SLC16A1: variants seen among roughly 807,000 people sequenced by gnomAD.
The protein encoded by SLC16A1 is solute carrier family 16 member 1.
A neutral mutation model predicts 32.2 loss-of-function variants in SLC16A1; 11 were observed. The observed-to-expected ratio is 0.34, with a 90% CI of 0.21 to 0.56. The LOEUF (loss-of-function observed/expected upper bound fraction) is 0.56, where lower values mean the gene tolerates loss of function less well. Among genes scored for constraint, SLC16A1 ranks in the 20% least tolerant of loss-of-function variants. The pLI is 0.87. For missense variants in SLC16A1, 435 were observed against 615.0 expected, an observed-to-expected ratio of 0.71 and a Z score of 3.10; for synonymous variants, 231 against 226.8, an observed-to-expected ratio of 1.02 and a Z score of -0.17.
intron 1 of SLC16A1, among the ~76,000 whole-genome samples, chr1:112,945,045 C>A (rs1412808123): frequency 6.8e-6 from 1 of 145,990 alleles, no homozygotes; most frequent in Non-Finnish European, 1.5e-5. Context: ...GTCACCCAGG[C>A]TGGAGTGCAG....
intron 2 of SLC16A1, 95 bp downstream of exon 2, chr1:112,928,997 C>CTAT (rs1446353259): frequency 2.2e-6 from 2 of 890,188 alleles, no homozygotes; most frequent in Non-Finnish European, 3.5e-6. Context: ...AAACATCTCA[C>CTAT]TGAATAAGAC....
intron 1 of SLC16A1, among the ~76,000 whole-genome samples, chr1:112,931,644 CAAAAAAAAAAA>C (rs561013159): frequency 4.8e-5 from 3 of 62,028 alleles, no homozygotes; most frequent in South Asian, 7.1e-4. Context: ...TACTCTGTCT[CAAAAAAAAAAA>C]AAAAAAAAAA....
chr1:112,922,982 C>A (rs1648791996), intron 2 of SLC16A1, among the ~76,000 whole-genome samples: 1 of 151,940 alleles, frequency 6.6e-6, no homozygotes, highest in Non-Finnish European at 1.5e-5. Context: ...CCTGATCTCG[C>A]TTACTGTAAG....
intron 1 of SLC16A1, among the ~76,000 whole-genome samples, chr1:112,944,785 C>A (rs985147544): frequency 6.6e-6 from 1 of 152,102 alleles, no homozygotes; most frequent in Non-Finnish European, 1.5e-5. Flanking sequence ...CCCTGCATCC[C>A]AGGTTCAAGC....
Position 112,911,881 on chromosome 1 carries a change from C to T in SLC16A1, c.*2010G>A, listed in dbSNP as rs1648332316. The T allele has an allele frequency of 6.6e-6, 1 of 152,160 alleles. No individual in the cohort carries two copies. 9.4% of individuals were successfully genotyped at this position (152,160 alleles called of 1,614,324 possible). Reference sequence around the variant, plus strand: ...GCTTTACTTTTATTTTTTCAGATTTCCTTTACTTACATTCCTTATTCCCTC... The same window carrying T: ...GCTTTACTTTTATTTTTTCAGATTTTCTTTACTTACATTCCTTATTCCCTC... On this transcript the variant is annotated 3_prime_UTR_variant, in exon 5 of 5. Coordinates refer to ENST00000369626, the MANE Select transcript of SLC16A1 (RefSeq NM_003051.4).
intron 1 of SLC16A1, among the ~76,000 whole-genome samples, chr1:112,949,461 T>C (rs568812864): frequency 1.3e-5 from 2 of 152,354 alleles, no homozygotes; most frequent in East Asian, 3.9e-4. Flanking sequence ...TGATGATTAG[T>C]AAATAAAACC....
intron 1 of SLC16A1, among the ~76,000 whole-genome samples, chr1:112,932,977 C>T (rs1473877923): frequency 1.3e-5 from 2 of 151,874 alleles, no homozygotes; most frequent in East Asian, 1.9e-4. Context: ...TAACAATGAA[C>T]AATCCAAATA....
intron 4 of SLC16A1, among the ~76,000 whole-genome samples, chr1:112,915,812 C>T (rs939521869): frequency 2.0e-4 from 31 of 152,198 alleles, no homozygotes; most frequent in African/African-American, 7.2e-4. Context: ...TATGGATCTT[C>T]TGTTATATAC....
intron 1 of SLC16A1, among the ~76,000 whole-genome samples, chr1:112,932,176 C>T (rs1261508863): frequency 6.6e-6 from 1 of 152,094 alleles, no homozygotes; most frequent in Non-Finnish European, 1.5e-5. Flanking sequence ...CAACATTCTA[C>T]TATAGGTTCT....
chr1:112,923,798 G>A, intron 2 of SLC16A1: 1 of 1,496,734 alleles, frequency 6.7e-7, no homozygotes, highest in South Asian at 1.1e-5. Flanking sequence ...CCTGGGAAGT[G>A]GCCAAGATCT....
chr1:112,917,051 A>C lies in SLC16A1; in HGVS notation c.1228+127T>G. ...CTGTGCCAAGCATTGTCCCAGCATC[A>C]AGGGTACATAAATGAGAAAGATTTA... On this transcript the variant is annotated intron_variant, in intron 4 of 4. Coordinates refer to ENST00000369626, the MANE Select transcript of SLC16A1 (RefSeq NM_003051.4). The surrounding 1 kb of genome is among the most constrained non-coding windows in gnomAD (Gnocchi z 4.1). The C allele has an allele frequency of 8.4e-7, 1 of 1,185,108 alleles. No individual in the cohort carries two copies. The highest frequency in any genetic ancestry group is 1.2e-6 in the Non-Finnish European group (1 of 818,722). 73.4% of individuals were successfully genotyped at this position (1,185,108 alleles called of 1,614,324 possible).
At chr1:112,929,947 G>A (rs1421297760) in intron 1 of SLC16A1, among the ~76,000 whole-genome samples, 3 of 152,148 alleles carry the variant, frequency 2.0e-5, no homozygotes, top group Non-Finnish European at 2.9e-5. Context: ...AATTCCACGG[G>A]GGAAGAGGCT....
At position 112,917,689 on chromosome 1, in the gene SLC16A1, T is replaced by C. The variant is rs1452426141; in HGVS notation, c.717A>G (p.Lys239=). The change falls in exon 4 of 5, where the codon AAA becomes AAG. Residue 239 remains lysine (K), a synonymous_variant. Coordinates refer to ENST00000369626, the MANE Select transcript of SLC16A1 (RefSeq NM_003051.4). The surrounding 1 kb of genome is among the most constrained non-coding windows in gnomAD (Gnocchi z 4.1). ...ANTDLIGRHP[K]QEKRSVFQTI... ...TTTGGAAGACTGATCGTTTCTCTTG[T>C]TTAGGGTGTCTTCCAATAAGATCTG... 1 of 1,614,100 alleles carries C rather than the reference T, an allele frequency of 6.2e-7. No homozygotes were observed. The highest frequency in any genetic ancestry group is 1.3e-5 in the African/African-American group (1 of 74,930).
intron 2 of SLC16A1, among the ~76,000 whole-genome samples, chr1:112,926,161 C>CTCT (rs1320878169): frequency 3.9e-5 from 6 of 152,178 alleles, no homozygotes; most frequent in Non-Finnish European, 8.8e-5. Flanking sequence ...AGAAGGTGCT[C>CTCT]TCTTTCCATC....
chr1:112,928,542 A>G (rs1314401950), intron 2 of SLC16A1, among the ~76,000 whole-genome samples: 2 of 152,224 alleles, frequency 1.3e-5, no homozygotes, highest in Admixed American at 1.3e-4. Context: ...TATGCCAAAA[A>G]AAACAAAAGA....
At chr1:112,940,480 C>T (rs780265391) in intron 1 of SLC16A1, among the ~76,000 whole-genome samples, 20 of 152,160 alleles carry the variant, frequency 1.3e-4, no homozygotes, top group Middle Eastern at 6.8e-3. Context: ...TGATCACAAA[C>T]GTGACTAAAT....
chr1:112,918,577 G>A lies in SLC16A1; in HGVS notation c.362-533C>T, dbSNP rs149711331. 4.7e-3 allele frequency among the ~76,000 whole-genome samples: 708 copies of A among 152,238 alleles called. 12 individuals carry two copies. Among genetic ancestry groups the A allele is most frequent in the African/African-American group, 0.016 (682 of 41,540 alleles). ...GTGCTTTGGGAAGCCAAGGCGGCAG[G>A]ATTGATTAAGGCCAGGCATTCAAGA... On this transcript the variant is annotated intron_variant, in intron 3 of 4. Transcript: ENST00000369626.
At chr1:112,940,255 C>T (rs1474808060) in intron 1 of SLC16A1, among the ~76,000 whole-genome samples, 1 of 151,958 alleles carries the variant, frequency 6.6e-6, no homozygotes, top group Non-Finnish European at 1.5e-5. Context: ...ACAGGCTGGT[C>T]TTGAACGCCT....
At chr1:112,942,545 C>G (rs1649544627) in intron 1 of SLC16A1, among the ~76,000 whole-genome samples, 1 of 152,180 alleles carries the variant, frequency 6.6e-6, no homozygotes, top group Admixed American at 6.5e-5. Context: ...GCCTGGCAAT[C>G]AATGTTTCTG....
Sources: gnomAD v4.1 joint callset for allele counts (sites outside exome capture counted in the v4.1 genomes callset) on GRCh38, gnomAD v4.1.1 for gene constraint, Gnocchi (gnomAD v3.1) non-coding constraint, MANE v1.5 for transcripts, NCBI Gene and HGNC (gene_info 2026-07-23, HGNC 2026-07-21) for gene names.